Variants in PRR11 observed in about 807,000 individuals in gnomAD.
PRR11 encodes proline-rich protein 11.
PRR11 carries 30 observed loss-of-function variants against 45.6 expected under a neutral mutation model. That is an observed-to-expected ratio of 0.66 (90% confidence interval 0.49 to 0.89). The LOEUF (loss-of-function observed/expected upper bound fraction) is 0.89. PRR11 is among the 40% of genes least tolerant of loss of function. The pLI is 0.00. For synonymous variants in PRR11, 128 were observed against 153.5 expected (o/e 0.83, Z 1.23); for missense variants, 373 against 424.8 (o/e 0.88, Z 1.07).
chr17:59,195,676 A>C (rs1370171770), intron 7 of PRR11, among the ~76,000 whole-genome samples: 2 of 152,198 alleles, frequency 1.3e-5, no homozygotes, highest in Non-Finnish European at 2.9e-5. Context: ...GCTGTTTATC[A>C]TTCTAGTCTT....
At chr17:59,181,828 C>T in intron 2 of PRR11, 1 of 1,501,460 alleles carries the variant, frequency 6.7e-7, no homozygotes, top group Non-Finnish European at 9.1e-7. Context: ...AACCCCAAAC[C>T]ACTCTCCATC....
At chr17:59,189,533 C>T (rs2046831335) in intron 4 of PRR11, among the ~76,000 whole-genome samples, 1 of 151,862 alleles carries the variant, frequency 6.6e-6, no homozygotes, top group African/African-American at 2.4e-5. Context: ...AGGATCTCAC[C>T]ATGTTGCCCA....
At chr17:59,196,238 C>G (rs2046865422) in intron 7 of PRR11, among the ~76,000 whole-genome samples, 1 of 151,874 alleles carries the variant, frequency 6.6e-6, no homozygotes, top group Admixed American at 6.6e-5. Flanking sequence ...TCATGATATA[C>G]TGAATGGGAA....
intron 2 of PRR11, among the ~76,000 whole-genome samples, chr17:59,170,189 T>C (rs2046700742): frequency 6.6e-6 from 1 of 150,534 alleles, no homozygotes; most frequent in African/African-American, 2.4e-5. Flanking sequence ...GAGGCAGAGG[T>C]TGCAGTGAGC....
intron 2 of PRR11, among the ~76,000 whole-genome samples, chr17:59,172,189 A>T (rs1171145965): frequency 2.0e-5 from 3 of 152,222 alleles, no homozygotes; most frequent in African/African-American, 7.2e-5. Context: ...GTGCCTTCAA[A>T]TGCTCTTGGA....
At chr17:59,198,684 A>AT (rs537638519) in intron 9 of PRR11, among the ~76,000 whole-genome samples, 4 of 151,954 alleles carry the variant, frequency 2.6e-5, no homozygotes, top group Non-Finnish European at 5.9e-5. Flanking sequence ...AAAAAAAAAA[A>AT]AAATTAGCCA....
chr17:59,179,316 G>A (rs1482858411), intron 2 of PRR11, among the ~76,000 whole-genome samples: 2 of 152,030 alleles, frequency 1.3e-5, no homozygotes, highest in East Asian at 1.9e-4. Context: ...CTGTCACCCC[G>A]GCTGGAGTGC....
intron 2 of PRR11, among the ~76,000 whole-genome samples, chr17:59,170,986 G>C (rs551963055): frequency 1.3e-5 from 2 of 152,320 alleles, no homozygotes; most frequent in African/African-American, 4.8e-5. Context: ...ACGGCCAGGC[G>C]CGGTGGCTCA....
At chr17:59,155,928 T>C (rs928550901) in intron 1 of PRR11, 123 bp downstream of exon 1, 1 of 151,664 alleles carries the variant, frequency 6.6e-6, no homozygotes, top group Non-Finnish European at 1.5e-5. Context: ...GAAGGGGAAA[T>C]GGAAAGGAGG....
chr17:59,190,098 G>A (rs1463588023), intron 4 of PRR11, among the ~76,000 whole-genome samples: 1 of 152,014 alleles, frequency 6.6e-6, no homozygotes, highest in Admixed American at 6.6e-5. Flanking sequence ...TACCTTTCAT[G>A]ACTTTTCTCC....
intron 7 of PRR11, among the ~76,000 whole-genome samples, chr17:59,197,304 T>C (rs1234616293): frequency 6.6e-6 from 1 of 150,780 alleles, no homozygotes. Context: ...CAGGCTGGAG[T>C]GCAGTGGTGC....
intron 2 of PRR11, chr17:59,181,802 C>A: frequency 2.0e-6 from 3 of 1,533,154 alleles, no homozygotes; most frequent in Non-Finnish European, 2.7e-6. Context: ...TCACCTTAGA[C>A]CCCGACCCCG....
At chr17:59,194,488 A>G (rs1002039956) in intron 5 of PRR11, among the ~76,000 whole-genome samples, 4 of 152,178 alleles carry the variant, frequency 2.6e-5, no homozygotes, top group East Asian at 3.8e-4. Flanking sequence ...GCAATATTGC[A>G]GGAAACTAGT....
chr17:59,156,577 A>G (rs1356613190), intron 1 of PRR11, among the ~76,000 whole-genome samples: 1 of 152,164 alleles, frequency 6.6e-6, no homozygotes, highest in Non-Finnish European at 1.5e-5. Context: ...GAAGATGGCA[A>G]TGAAATGCAA....
chr17:59,186,790 G>A (rs554029294), intron 4 of PRR11, among the ~76,000 whole-genome samples: 1 of 152,218 alleles, frequency 6.6e-6, no homozygotes, highest in African/African-American at 2.4e-5. Context: ...TCAGGAAAAG[G>A]ATTAATTATT....
In PRR11 at chr17:59,205,875, G is replaced by A. The variant is rs1157537310; in HGVS notation, c.*4244G>A. On this transcript the variant is annotated 3_prime_UTR_variant, in exon 10 of 10. Coordinates refer to ENST00000262293, the MANE Select transcript of PRR11 (RefSeq NM_018304.4). ...AGCCTGGCCAACATGGTGAAACCCC[G>A]TCTCTACCAAAAAAAATATATAAAA... 4.3e-5 allele frequency among the ~76,000 whole-genome samples: 6 copies of A among 139,630 alleles called. No homozygotes were observed. Among genetic ancestry groups the A allele is most frequent in the Admixed American group, 7.2e-5 (1 of 13,870 alleles). The allele number at this position is 139,630 out of a possible 152,430, so 91.6% of individuals were successfully genotyped here. A position where few individuals can be genotyped will look rare whatever the true frequency, so the allele number is the denominator to read the frequency against.
chr17:59,201,926 G>A lies in PRR11; in HGVS notation c.*295G>A, dbSNP rs565535515. The A allele has an allele frequency of 1.9e-5, 6 of 315,014 alleles. No homozygotes were observed. Among genetic ancestry groups the A allele is most frequent in the African/African-American group, 4.2e-5 (2 of 47,830 alleles). 19.5% of individuals were successfully genotyped at this position (315,014 alleles called of 1,614,324 possible). ...GCAGAGGTTGCAGTGAGCCAAGATC[G>A]CGTCATTGCACTCCAGCCTGAGCAA... On this transcript the variant is annotated 3_prime_UTR_variant, in exon 10 of 10. Transcript: ENST00000262293.
In PRR11 at chr17:59,169,841, A is replaced by C; in HGVS notation, c.89A>C (p.Lys30Thr). The C allele has an allele frequency of 6.2e-7, 1 of 1,611,244 alleles. No individual in the cohort carries two copies. The highest frequency in any genetic ancestry group is 8.5e-7 in the Non-Finnish European group (1 of 1,179,032). ...AAAGAAGCCTCTCACTTTCAGTCCA[A>C]GCTAATTACACCTCCTCCTCCACCA... ...KKKEASHFQS[K>T]LITPPPPPPS... Residue 30 changes from lysine (K) to threonine (T), a missense_variant, in exon 2 of 10, where the codon AAG (lysine) becomes ACG (threonine). Coordinates refer to ENST00000262293, the MANE Select transcript of PRR11 (RefSeq NM_018304.4).
At chr17:59,168,917 T>C (rs1052589585) in intron 1 of PRR11, among the ~76,000 whole-genome samples, 2 of 152,040 alleles carry the variant, frequency 1.3e-5, no homozygotes, top group Non-Finnish European at 2.9e-5. Flanking sequence ...AAAATCCTCC[T>C]TGTCAGGGAT....
Sources: allele counts gnomAD v4.1 joint callset (sites outside exome capture counted in the v4.1 genomes callset), GRCh38; gene constraint gnomAD v4.1.1; transcripts MANE v1.5; gene names NCBI Gene and HGNC (gene_info 2026-07-23, HGNC 2026-07-21).